TRERF1: variants seen among roughly 807,000 people sequenced by gnomAD.
TRERF1 encodes transcriptional-regulating factor 1.
Under a neutral mutation model 122.9 loss-of-function variants are expected in TRERF1, and 27 were observed. The observed-to-expected ratio is 0.22, with a 90% CI of 0.16 to 0.30. The LOEUF (loss-of-function observed/expected upper bound fraction) is 0.30, where lower values mean the gene tolerates loss of function less well. TRERF1 is among the 10% of genes least tolerant of loss of function. The pLI is 1.00. For synonymous variants in TRERF1, 636 were observed against 641.7 expected (o/e 0.99, Z 0.13); for missense variants, 1,248 against 1,560.3 (o/e 0.80, Z 3.37).
In TRERF1 at chr6:42,262,567, G is replaced by C. The variant is rs375883946; in HGVS notation, c.1884+753C>G. On this transcript the variant is annotated intron_variant, in intron 8 of 17. Coordinates refer to ENST00000372922, the Ensembl canonical transcript of TRERF1. ...AGAGAGAGAGAGAGAGAGAGAGAGA[G>C]AGAGAGAGAGAGAGAGAGAGAGAGA... 8.1e-5 allele frequency among the ~76,000 whole-genome samples: 12 copies of C among 147,350 alleles called. 1 individual carries two copies. The highest frequency in any genetic ancestry group is 2.7e-4 in the African/African-American group (11 of 40,198).
At chr6:42,229,049 T>C (rs931015619) in intron 17 of TRERF1, among the ~76,000 whole-genome samples, 1 of 152,248 alleles carries the variant, frequency 6.6e-6, no homozygotes, top group African/African-American at 2.4e-5. Flanking sequence ...CAAGCCCTGA[T>C]GGTCCCCATC....
intron 14 of TRERF1, among the ~76,000 whole-genome samples, chr6:42,244,552 C>G (rs548804193): frequency 1.3e-5 from 2 of 152,320 alleles, no homozygotes; most frequent in South Asian, 4.1e-4. Context: ...TCTTTCCTCA[C>G]AAAAGGGAGC....
rs776338990 is a variant in TRERF1, at chr6:42,268,363, A to G, written c.1228T>C (p.Tyr410His). The change falls in exon 5 of 18, where the codon TAC (tyrosine) becomes CAC (histidine). Residue 410 changes from tyrosine (Y) to histidine (H), a missense_variant. Around this residue, in one of 5 missense-constraint regions of TRERF1, gnomAD observed 946 missense variants for 1,073.0 expected, o/e 0.88. Coordinates refer to ENST00000372922, the Ensembl canonical transcript of TRERF1. This position sits in a 1 kb window ranked among gnomAD's most constrained non-coding sequence, Gnocchi z 4.4. The stretch of plus-strand genomic sequence containing the variant: ...GCCTGGGCCTGTCTGTCACTAGAGT[A>G]GGTCTTCAGCTGACTGTCCTCACGC... 6.6e-7 allele frequency: 1 copy of G among 1,525,856 alleles called. No individual in the cohort carries two copies. The highest frequency in any genetic ancestry group is 8.8e-7 in the Non-Finnish European group (1 of 1,138,650). The allele number at this position is 1,525,856 out of a possible 1,614,324, so 94.5% of individuals were successfully genotyped here.
intron 3 of TRERF1, among the ~76,000 whole-genome samples, chr6:42,312,104 G>C (rs1488754994): frequency 6.6e-6 from 1 of 152,124 alleles, no homozygotes; most frequent in Non-Finnish European, 1.5e-5. Flanking sequence ...TTGGTTTTAA[G>C]CTGGGTACTG....
At chr6:42,302,605 C>A (rs905297680) in intron 3 of TRERF1, among the ~76,000 whole-genome samples, 2 of 152,206 alleles carry the variant, frequency 1.3e-5, no homozygotes, top group East Asian at 1.9e-4. Flanking sequence ...ATTCCTATAG[C>A]AACAGAGTGT....
At chr6:42,334,748 A>G (rs1765842502) in intron 3 of TRERF1, among the ~76,000 whole-genome samples, 1 of 152,246 alleles carries the variant, frequency 6.6e-6, no homozygotes, top group South Asian at 2.1e-4. Context: ...CCACAGGCCC[A>G]GGAACCACAA....
intron 2 of TRERF1, among the ~76,000 whole-genome samples, chr6:42,394,680 C>T (rs951109966): frequency 1.3e-5 from 2 of 151,964 alleles, no homozygotes; most frequent in Non-Finnish European, 2.9e-5. Context: ...TATAGCAATA[C>T]TAATGCAAAA....
At chr6:42,438,754 G>C (rs531750782) in intron 2 of TRERF1, among the ~76,000 whole-genome samples, 1 of 152,286 alleles carries the variant, frequency 6.6e-6, no homozygotes, top group South Asian at 2.1e-4. Flanking sequence ...AGCCCCAAAA[G>C]TGTCCTCACA....
chr6:42,224,962 G>A (rs1162358705), downstream of TRERF1: 1 of 152,172 alleles, frequency 6.6e-6, no homozygotes, highest in Non-Finnish European at 1.5e-5. Context: ...TATTTTCAGA[G>A]CAGCTGATGC....
rs74630477 is a variant in TRERF1, at chr6:42,303,125, A to G, written c.-370-2376T>C. Among the ~76,000 whole-genome samples the G allele has an allele frequency of 7.9e-3, 1,204 of 152,338 alleles. 6 individuals are homozygous for G. Among genetic ancestry groups the G allele is most frequent in the Admixed American group, 0.014 (210 of 15,306 alleles). On this transcript the variant is annotated intron_variant, in intron 3 of 17. Transcript: ENST00000372922. ...ACTAGTTCAATCCATTCATCTAACC[A>G]TCCATTCACCCATCCAATGTTGGCT...
At chr6:42,400,408 G>A (rs1779218455) in intron 2 of TRERF1, among the ~76,000 whole-genome samples, 1 of 152,198 alleles carries the variant, frequency 6.6e-6, no homozygotes, top group Admixed American at 6.5e-5. Context: ...TGGGGCGGGG[G>A]CAGCAGTTTC....
chr6:42,326,728 T>C (rs1421443854), intron 3 of TRERF1, among the ~76,000 whole-genome samples: 1 of 152,218 alleles, frequency 6.6e-6, no homozygotes, highest in Non-Finnish European at 1.5e-5. Context: ...CTAATGATCT[T>C]GGCAAAAATG....
At chr6:42,296,853 T>C (rs1000529714) in intron 4 of TRERF1, among the ~76,000 whole-genome samples, 1 of 151,982 alleles carries the variant, frequency 6.6e-6, no homozygotes, top group Non-Finnish European at 1.5e-5. Context: ...TTTTGCAGAA[T>C]GGGAATGAAG....
rs6920031 is a variant in TRERF1, at chr6:42,306,584, C to T, written c.-370-5835G>A. 4.6e-3 allele frequency among the ~76,000 whole-genome samples: 708 copies of T among 152,332 alleles called. 2 individuals carry two copies. Among genetic ancestry groups the T allele is most frequent in the South Asian group, 7.9e-3 (38 of 4,830 alleles). On this transcript the variant is annotated intron_variant, in intron 3 of 17. Coordinates refer to ENST00000372922, the Ensembl canonical transcript of TRERF1. ...GCTCCCCAGCCTCAGGCTGCCCACC[C>T]CTCCTTGCTCACAGCTCCAACCAGC...
At chr6:42,274,619 C>T (rs2149970410) in intron 4 of TRERF1, among the ~76,000 whole-genome samples, 1 of 152,030 alleles carries the variant, frequency 6.6e-6, no homozygotes, top group African/African-American at 2.4e-5. Flanking sequence ...GTCAAGGTTG[C>T]AGTGAGCCGA....
intron 15 of TRERF1, among the ~76,000 whole-genome samples, chr6:42,238,534 A>G (rs1486975588): frequency 6.6e-6 from 1 of 152,232 alleles, no homozygotes; most frequent in Non-Finnish European, 1.5e-5. Context: ...ATTTTATGAT[A>G]TATTGTGAAA....
chr6:42,279,816 C>T (rs1561899250), intron 4 of TRERF1, among the ~76,000 whole-genome samples: 1 of 152,122 alleles, frequency 6.6e-6, no homozygotes, highest in Non-Finnish European at 1.5e-5. Context: ...GGTGTGTGGC[C>T]TTCCAAGACA....
At chr6:42,342,341 C>A (rs1767461588) in intron 3 of TRERF1, among the ~76,000 whole-genome samples, 1 of 152,132 alleles carries the variant, frequency 6.6e-6, no homozygotes. Context: ...TTGGCTTGAC[C>A]TGGGGTCAAA....
chr6:42,298,561 T>C (rs1785495590), intron 4 of TRERF1, among the ~76,000 whole-genome samples: 1 of 150,812 alleles, frequency 6.6e-6, no homozygotes, highest in Admixed American at 6.6e-5. Context: ...TGCCAGCACT[T>C]TGGGAGGCTG....
Sources: allele counts gnomAD v4.1 joint callset (sites outside exome capture counted in the v4.1 genomes callset), GRCh38; gene constraint gnomAD v4.1.1; regional missense constraint gnomAD v4.1.1; non-coding constraint Gnocchi (gnomAD v3.1); transcripts MANE v1.5; gene names NCBI Gene and HGNC (gene_info 2026-07-23, HGNC 2026-07-21).